Variants in ZFHX3 observed in about 807,000 individuals in gnomAD.
ZFHX3 encodes the protein zinc finger homeobox 3, also known as zinc finger homeobox protein 3.
A neutral mutation model predicts 279.1 loss-of-function variants in ZFHX3; 42 were observed. The ratio of observed to expected loss-of-function variants is 0.15; its 90% confidence interval spans 0.12 to 0.19. The LOEUF is 0.19. ZFHX3 is among the 10% of genes least tolerant of loss of function. The pLI is 1.00. For missense variants in ZFHX3, 4,981 were observed against 4,754.0 expected, an observed-to-expected ratio of 1.05 and a Z score of -1.40; for synonymous variants, 2,293 against 1,957.8, an observed-to-expected ratio of 1.17 and a Z score of -4.52.
chr16:73,578,357 T>C (rs559722175), intron 2 of ZFHX3, among the ~76,000 whole-genome samples: 20 of 151,252 alleles, frequency 1.3e-4, no homozygotes, highest in Admixed American at 4.6e-4. Context: ...TCTAGGGCTT[T>C]TGCTCAAGTT....
intron 4 of ZFHX3, among the ~76,000 whole-genome samples, chr16:72,851,841 G>A (rs879668986): frequency 2.0e-5 from 3 of 152,160 alleles, no homozygotes; most frequent in Non-Finnish European, 4.4e-5. Flanking sequence ...GTGAGCCACC[G>A]CACCTGGCCT....
intron 5 of ZFHX3, among the ~76,000 whole-genome samples, chr16:73,197,986 G>C (rs1890316761): frequency 1.5e-5 from 2 of 134,958 alleles, no homozygotes; most frequent in Non-Finnish European, 3.0e-5. Flanking sequence ...CGCCAAGGCT[G>C]GAGTGCAGTG....
intron 2 of ZFHX3, among the ~76,000 whole-genome samples, chr16:73,669,674 T>C (rs1373775355): frequency 6.6e-6 from 1 of 152,238 alleles, no homozygotes; most frequent in African/African-American, 2.4e-5. Context: ...TTATAGAGGC[T>C]TTGCCTGCTT....
At chr16:73,881,221 A>G (rs1216724447) in intron 1 of ZFHX3, among the ~76,000 whole-genome samples, 1 of 152,148 alleles carries the variant, frequency 6.6e-6, no homozygotes, top group Admixed American at 6.5e-5. Flanking sequence ...ATCTCAGAGA[A>G]ACAAGGAACC....
At chr16:73,609,810 T>C (rs1292265141) in intron 2 of ZFHX3, 1 of 152,230 alleles carries the variant, frequency 6.6e-6, no homozygotes, top group East Asian at 1.9e-4. Flanking sequence ...AATCCTAATT[T>C]CATTCTAGCA....
At chr16:73,438,010 T>C (rs1294257372) in intron 3 of ZFHX3, among the ~76,000 whole-genome samples, 1 of 152,138 alleles carries the variant, frequency 6.6e-6, no homozygotes, top group Non-Finnish European at 1.5e-5. Flanking sequence ...ACTTGGCATC[T>C]TTTTCTTGAG....
intron 3 of ZFHX3, among the ~76,000 whole-genome samples, chr16:73,445,886 T>G (rs1189870515): frequency 6.6e-6 from 1 of 152,218 alleles, no homozygotes; most frequent in Admixed American, 6.5e-5. Context: ...AGTTCTACAC[T>G]CTTCCATGAG....
rs1291425659 is a variant in ZFHX3 at position 72,958,753 on chromosome 16, C to G, written c.1393G>C (p.Glu465Gln). 1.9e-6 allele frequency: 3 copies of G among 1,613,976 alleles called. No homozygotes were observed. In the African/African-American group the frequency reaches 4.0e-5, roughly 22 times the overall value. Reference sequence around the variant, plus strand: ...TCCGCCTCTTCCTCCTCCTCTTCCTCCTCCGCCTCCTCTTCGGCTGGCTCT... The same window carrying G: ...TCCGCCTCTTCCTCCTCCTCTTCCTGCTCCGCCTCCTCTTCGGCTGGCTCT... The part of the protein sequence containing the change: ...KVEPAEEEAE[E>Q]EEEEEEAEEE... The change falls in exon 2 of 10, where the codon GAG (glutamate) becomes CAG (glutamine). Residue 465 changes from glutamate to glutamine, a missense_variant. Glu to Gln is a conservative substitution (Grantham distance 29). Around this residue, in one of 7 missense-constraint regions of ZFHX3, gnomAD observed 1,068 missense variants for 935.2 expected, o/e 1.14. Transcript: ENST00000268489.
intron 1 of ZFHX3, among the ~76,000 whole-genome samples, chr16:73,762,213 C>T (rs1355907852): frequency 2.6e-5 from 4 of 151,248 alleles, no homozygotes; most frequent in African/African-American, 7.3e-5. Flanking sequence ...ATTTATGTGG[C>T]CAACAAACAT....
At chr16:72,883,995 CTGAAATTGCAT>C (rs1405790202) in intron 4 of ZFHX3, among the ~76,000 whole-genome samples, 3 of 151,060 alleles carry the variant, frequency 2.0e-5, no homozygotes, top group African/African-American at 7.3e-5. Flanking sequence ...AAAAATTACA[CTGAAATTGCAT>C]ATAATTTAGC....
rs1567517949 is a variant in ZFHX3, at chr16:72,797,186, C to T, written c.5496G>A (p.Leu1832=). 37 of 1,614,072 alleles carry T rather than the reference C, an allele frequency of 2.3e-5. No individual in the cohort carries two copies. Among genetic ancestry groups the T allele is most frequent in the Non-Finnish European group, 3.1e-5 (37 of 1,180,014 alleles). The change falls in exon 9 of 10, where the codon CTG becomes CTA. Residue 1832 remains leucine, a synonymous_variant. Coordinates refer to ENST00000268489, the MANE Select transcript of ZFHX3 (RefSeq NM_006885.4). ...LTLTGTGPGL[L]EDLKAQVQVP... ...CCTGAACCTGAGCCTTCAGATCTTC[C>T]AGCAGGCCTGGGCCTGTCCCAGTCA...
chr16:73,013,536 C>T (rs1278379709), intron 1 of ZFHX3, among the ~76,000 whole-genome samples: 1 of 152,202 alleles, frequency 6.6e-6, no homozygotes, highest in Non-Finnish European at 1.5e-5. Flanking sequence ...GATCTGCCTG[C>T]CTTGGCCTCC....
At chr16:73,843,300 A>G (rs1021057356) in intron 1 of ZFHX3, among the ~76,000 whole-genome samples, 2 of 152,216 alleles carry the variant, frequency 1.3e-5, no homozygotes, top group Admixed American at 1.3e-4. Context: ...TTCCGTGTGC[A>G]CAGCTGAAAA....
intron 5 of ZFHX3, among the ~76,000 whole-genome samples, chr16:73,151,408 A>T (rs1325485285): frequency 1.3e-5 from 2 of 152,088 alleles, no homozygotes; most frequent in Admixed American, 1.3e-4. Context: ...GCATGTAGAG[A>T]ACAGCATTCT....
intron 2 of ZFHX3, among the ~76,000 whole-genome samples, chr16:73,652,379 C>T (rs1445231010): frequency 6.6e-6 from 1 of 152,082 alleles, no homozygotes; most frequent in Non-Finnish European, 1.5e-5. Context: ...AAGTTAGAGT[C>T]CTTATTACAA....
At chr16:73,877,555 T>C (rs1325524493) in intron 1 of ZFHX3, among the ~76,000 whole-genome samples, 1 of 152,194 alleles carries the variant, frequency 6.6e-6, no homozygotes, top group Non-Finnish European at 1.5e-5. Context: ...TGGGACATTA[T>C]CTTTTTGAGC....
chr16:72,830,390 G>C (rs1466707952), intron 4 of ZFHX3, among the ~76,000 whole-genome samples: 1 of 152,234 alleles, frequency 6.6e-6, no homozygotes. Context: ...AGGTTGCGAA[G>C]AGTCACAGAA....
intron 2 of ZFHX3, among the ~76,000 whole-genome samples, chr16:73,620,973 C>T (rs2052354158): frequency 1.3e-5 from 2 of 152,340 alleles, no homozygotes; most frequent in South Asian, 4.1e-4. Context: ...CAAATTGTTA[C>T]ATCTTCCTGC....
intron 4 of ZFHX3, among the ~76,000 whole-genome samples, chr16:72,876,966 A>G (rs924365852): frequency 3.3e-5 from 5 of 152,200 alleles, no homozygotes; most frequent in Non-Finnish European, 7.3e-5. Context: ...ATTCCAAAAT[A>G]GTTATTGAAA....
Sources: gnomAD v4.1 joint callset for allele counts (sites outside exome capture counted in the v4.1 genomes callset) on GRCh38, gnomAD v4.1.1 for gene constraint, gnomAD v4.1.1 regional missense constraint, MANE v1.5 for transcripts, NCBI Gene and HGNC (gene_info 2026-07-23, HGNC 2026-07-21) for gene names.